The following FANCM variants were observed in gnomAD, a reference collection of about 807,000 sequenced individuals.
FANCM encodes the protein FA complementation group M.
Under a neutral mutation model 199.5 loss-of-function variants are expected in FANCM, and 140 were observed. The observed-to-expected ratio is 0.70, with a 90% CI of 0.61 to 0.81. The LOEUF (loss-of-function observed/expected upper bound fraction) is 0.81. FANCM is among the 30% of genes least tolerant of loss of function. The probability of loss-of-function intolerance (pLI) is 0.00; values close to 1 mark genes in which losing one functional copy is unlikely to be tolerated. For synonymous variants in FANCM, 840 were observed against 836.8 expected, an observed-to-expected ratio of 1.00 and a Z score of -0.07; for missense variants, 2,410 against 2,421.4, an observed-to-expected ratio of 1.00 and a Z score of 0.10.
Position 45,137,495 on chromosome 14 carries a change from G to A in FANCM, c.681+254G>A, listed in dbSNP as rs75467645. 1.3e-3 allele frequency: 598 copies of A among 463,796 alleles called. 8 individuals are homozygous for A. The highest frequency in any genetic ancestry group is 0.01 in the African/African-American group (524 of 50,804). The allele number at this position is 463,796 out of a possible 1,614,324, so 28.7% of individuals were successfully genotyped here. A position where few individuals can be genotyped will look rare whatever the true frequency, so the allele number is the denominator to read the frequency against. ...TATTTTAAGACTAACCAGATAATTA[G>A]TGTCAGATGTAGATCATGAGAGCCT... On this transcript the variant is annotated intron_variant, in intron 2 of 22. Coordinates refer to ENST00000267430, the MANE Select transcript of FANCM (RefSeq NM_020937.4).
At chr14:45,167,384 A>G in intron 11 of FANCM, 1 of 523,392 alleles carries the variant, frequency 1.9e-6, no homozygotes, top group South Asian at 2.3e-5. Flanking sequence ...AAAATTAAAC[A>G]TACCCTACCA....
rs775906778 is a variant in FANCM at position 45,188,751 on chromosome 14, C to G, written c.4780-51C>G. 3.8e-6 allele frequency: 5 copies of G among 1,318,364 alleles called. No individual in the cohort carries two copies. In the Admixed American group the frequency reaches 8.7e-5, roughly 23 times the overall value. 81.7% of individuals were successfully genotyped at this position (1,318,364 alleles called of 1,614,324 possible). On this transcript the variant is annotated intron_variant, in intron 19 of 22. Coordinates refer to ENST00000267430, the MANE Select transcript of FANCM (RefSeq NM_020937.4). ...TGTGCCTAGAAGTATATTTTAAATA[C>G]CTGTTAATTGTCTGAAATAAATATA... is the stretch of plus-strand genomic sequence containing the variant.
chr14:45,175,249 C>T lies in FANCM; in HGVS notation c.2495C>T (p.Ser832Phe). 6.2e-7 allele frequency: 1 copy of T among 1,608,932 alleles called. No individual in the cohort carries two copies. The highest frequency in any genetic ancestry group is 8.5e-7 in the Non-Finnish European group (1 of 1,178,432). Residue 832 changes from serine to phenylalanine, a missense_variant, in exon 14 of 23, where the codon TCT (serine) becomes TTT (phenylalanine). Ser to Phe is a radical substitution (Grantham distance 155). Transcript: ENST00000267430. ...GGCAGTTCATCCTCAGTGATAGAAT[C>T]TGATGAAGAATGTGCTGAAATTGTT... ...NQGSSSSVIE[S>F]DEECAEIVKQ...
chr14:45,151,613 C>T, intron 5 of FANCM, 85 bp downstream of exon 5: 4 of 1,230,744 alleles, frequency 3.3e-6, no homozygotes, highest in Non-Finnish European at 3.6e-6. Context: ...ATTTTGGGTA[C>T]CTATTAGCTC....
chr14:45,155,900 A>G (rs1034369654), intron 8 of FANCM, among the ~76,000 whole-genome samples: 1 of 152,240 alleles, frequency 6.6e-6, no homozygotes, highest in Non-Finnish European at 1.5e-5. Flanking sequence ...ACTCTGGATA[A>G]TGAATACTAA....
intron 19 of FANCM, among the ~76,000 whole-genome samples, chr14:45,188,296 A>G (rs1182038634): frequency 6.6e-6 from 1 of 152,182 alleles, no homozygotes; most frequent in African/African-American, 2.4e-5. Context: ...CCAAGATTGC[A>G]CCATTGCACT....
intron 12 of FANCM, among the ~76,000 whole-genome samples, chr14:45,171,611 A>G (rs997362970): frequency 1.3e-5 from 2 of 152,084 alleles, no homozygotes; most frequent in Non-Finnish European, 2.9e-5. Flanking sequence ...TTCACTTAGA[A>G]TAATAGTCTC....
intron 4 of FANCM, 106 bp from the exon 5 acceptor site, chr14:45,151,291 C>CA (rs1886798563): frequency 1.1e-6 from 1 of 932,552 alleles, no homozygotes; most frequent in South Asian, 1.5e-5. Context: ...CATTGTAAGA[C>CA]AAACTTTATT....
At chr14:45,198,580 A>AT (rs1890196543) in intron 21 of FANCM, 64 bp from the exon 22 acceptor site, 1 of 1,106,236 alleles carries the variant, frequency 9.0e-7, no homozygotes, top group Non-Finnish European at 1.3e-6. Flanking sequence ...AAAATAAAGT[A>AT]TATTAATAAT....
chr14:45,137,277 CTG>C, intron 2 of FANCM, 36 bp downstream of exon 2: 1 of 1,572,650 alleles, frequency 6.4e-7, no homozygotes, highest in Admixed American at 1.7e-5. Context: ...TGTATTGTAA[CTG>C]TACTGTTAAA....
At chr14:45,137,931 G>A (rs868372583) in intron 2 of FANCM, 1 of 152,304 alleles carries the variant, frequency 6.6e-6, no homozygotes, top group Admixed American at 6.5e-5. Context: ...AAAGAGATTA[G>A]AGAGAAGAAG....
chr14:45,187,922 G>A, intron 19 of FANCM, 35 bp downstream of exon 19: 1 of 1,039,762 alleles, frequency 9.6e-7, no homozygotes, highest in Non-Finnish European at 1.5e-6. Context: ...AGAATTTCTG[G>A]ATGATGATGT....
At position 45,166,539 on chromosome 14, in the gene FANCM, G is replaced by A. The variant is rs1394166177; in HGVS notation, c.1789-411G>A. ...TCACGCCTGTAATTTCAGCACCTTG[G>A]GAGGCCAAAGCTGGAGGATCACTTG... is the stretch of plus-strand genomic sequence containing the variant. On this transcript the variant is annotated intron_variant, in intron 10 of 22. Transcript: ENST00000267430. Among the ~76,000 whole-genome samples the A allele has an allele frequency of 2.6e-5, 4 of 152,018 alleles. No homozygotes were observed. In the South Asian group the frequency reaches 6.2e-4, roughly 24 times the overall value.
chr14:45,141,594 C>CTT (rs1236187140), intron 3 of FANCM, among the ~76,000 whole-genome samples: 4 of 130,554 alleles, frequency 3.1e-5, no homozygotes, highest in East Asian at 2.2e-4. Context: ...CTTTCTTTCT[C>CTT]TTTTTTTTTT....
chr14:45,178,135 A>G (rs1192449476), intron 14 of FANCM, among the ~76,000 whole-genome samples: 1 of 152,222 alleles, frequency 6.6e-6, no homozygotes, highest in Admixed American at 6.5e-5. Context: ...TTTTCCTTAC[A>G]TTATTCTCGT....
Position 45,136,550 on chromosome 14 carries a change from C to T in FANCM, c.508+11C>T. 3 of 1,612,138 alleles carry T rather than the reference C, an allele frequency of 1.9e-6. No individual in the cohort carries two copies. The highest frequency in any genetic ancestry group is 2.5e-6 in the Non-Finnish European group (3 of 1,179,662). On this transcript the variant is annotated intron_variant, in intron 1 of 22. Coordinates refer to ENST00000267430, the MANE Select transcript of FANCM (RefSeq NM_020937.4). ...TGGCCGAAATGACAGGTATCTTAGA[C>T]TGGACTAATTTTGAAGTAAGAGCTG...
intron 12 of FANCM, among the ~76,000 whole-genome samples, chr14:45,171,043 A>G (rs1427594222): frequency 6.6e-6 from 1 of 152,094 alleles, no homozygotes; most frequent in African/African-American, 2.4e-5. Flanking sequence ...AAACATTTCT[A>G]TATAGGCATA....
At position 45,138,431 on chromosome 14, in the gene FANCM, AATTAT is replaced by A. The variant is rs771950130; in HGVS notation, c.681+1194_681+1198del. On this transcript the variant is annotated intron_variant, in intron 2 of 22. Coordinates refer to ENST00000267430, the MANE Select transcript of FANCM (RefSeq NM_020937.4). ...ATCTTTTTTAATAATTGATCTTCCT[AATTAT>A]ATTCAGGAAATGAATATAATATATT... 3.9e-5 allele frequency among the ~76,000 whole-genome samples: 6 copies of A among 152,132 alleles called. No individual in the cohort carries two copies. The East Asian group carries it at 5.8e-4, about 15-fold the overall frequency.
In FANCM at chr14:45,140,704, A is replaced by C. The variant is rs752500026; in HGVS notation, c.754A>C (p.Ile252Leu). Residue 252 changes from isoleucine (I) to leucine (L), a missense_variant, in exon 3 of 23, where the codon ATA (isoleucine) becomes CTA (leucine). Transcript: ENST00000267430. Reference sequence around the variant, plus strand: ...TCTAAGTGCCACACCAGGTAGTGATATAAAGGTAAGTAAAATGTTTTTCCA... The same window carrying C: ...TCTAAGTGCCACACCAGGTAGTGATCTAAAGGTAAGTAAAATGTTTTTCCA... ...LALSATPGSDIKAVQQVITNL... is the reference protein window; with the variant it reads ...LALSATPGSDLKAVQQVITNL... 6.4e-7 allele frequency: 1 copy of C among 1,574,556 alleles called. No homozygotes were observed. The highest frequency in any genetic ancestry group is 8.7e-7 in the Non-Finnish European group (1 of 1,144,898).
Sources: allele counts gnomAD v4.1 joint callset (sites outside exome capture counted in the v4.1 genomes callset), GRCh38; gene constraint gnomAD v4.1.1; transcripts MANE v1.5; gene names NCBI Gene and HGNC (gene_info 2026-07-23, HGNC 2026-07-21).